Variants in SH2D4A observed in about 807,000 individuals in gnomAD.
SH2D4A encodes SH2 domain containing 4A.
SH2D4A carries 70 observed loss-of-function variants against 64.7 expected under a neutral mutation model. That is an observed-to-expected ratio of 1.08 (90% CI 0.89 to 1.32). SH2D4A has a LOEUF of 1.32. SH2D4A is among the 40% of genes most tolerant of loss of function. SH2D4A has a pLI of 0.00. For synonymous variants in SH2D4A, 268 were observed against 200.7 expected (o/e 1.34, Z -2.83); for missense variants, 706 against 540.1 (o/e 1.31, Z -3.04).
rs572069506 is a variant in SH2D4A, at chr8:19,389,225, C to T, written c.1049-4093C>T. Among the ~76,000 whole-genome samples, 19 of 152,300 alleles carry T rather than the reference C, an allele frequency of 1.2e-4. No homozygotes were observed. In the East Asian group the frequency reaches 3.7e-3, roughly 29 times the overall value. ...CTGCCACTTGGATTTCCAACCAGAG[C>T]CTGCTGGTGTTTGAGTTACTTCTGG... On this transcript the variant is annotated intron_variant, in intron 8 of 9. Transcript: ENST00000265807.
At chr8:19,354,369 A>G (rs2052756993) in intron 4 of SH2D4A, among the ~76,000 whole-genome samples, 1 of 152,140 alleles carries the variant, frequency 6.6e-6, no homozygotes, top group South Asian at 2.1e-4. Flanking sequence ...TAAAGACAAA[A>G]CCTAAAATTT....
At chr8:19,379,257 G>A (rs1198948739) in intron 8 of SH2D4A, among the ~76,000 whole-genome samples, 2 of 152,088 alleles carry the variant, frequency 1.3e-5, no homozygotes, top group African/African-American at 2.4e-5. Flanking sequence ...CATATAAGTA[G>A]AACTGTACAG....
chr8:19,388,577 C>A (rs184985528), intron 8 of SH2D4A, among the ~76,000 whole-genome samples: 55 of 152,270 alleles, frequency 3.6e-4, no homozygotes, highest in Admixed American at 9.2e-4. Context: ...GGAGGTGATA[C>A]AAACTTTATT....
At chr8:19,353,994 T>C (rs1346776015) in intron 4 of SH2D4A, among the ~76,000 whole-genome samples, 1 of 23,914 alleles carries the variant, frequency 4.2e-5, no homozygotes, top group Non-Finnish European at 1.0e-4. Flanking sequence ...TTCAACTAAT[T>C]TTTTTTTTTT....
chr8:19,364,015 C>A, intron 6 of SH2D4A, 57 bp from the exon 7 acceptor site: 2 of 1,560,750 alleles, frequency 1.3e-6, no homozygotes, highest in Non-Finnish European at 1.8e-6. Flanking sequence ...AATGCTGAGC[C>A]TTCTCACCTG....
intron 2 of SH2D4A, among the ~76,000 whole-genome samples, chr8:19,323,118 C>G (rs1447744937): frequency 6.6e-6 from 1 of 152,010 alleles, no homozygotes; most frequent in Non-Finnish European, 1.5e-5. Flanking sequence ...ACGTATGGAT[C>G]TACTCTGCTT....
At chr8:19,347,166 C>T (rs961171899) in intron 4 of SH2D4A, among the ~76,000 whole-genome samples, 4 of 152,164 alleles carry the variant, frequency 2.6e-5, no homozygotes, top group Admixed American at 6.5e-5. Flanking sequence ...TGGATCACAG[C>T]GAACACGCAG....
chr8:19,320,473 A>C (rs550278661), intron 2 of SH2D4A, among the ~76,000 whole-genome samples: 1 of 151,922 alleles, frequency 6.6e-6, no homozygotes, highest in Non-Finnish European at 1.5e-5. Context: ...AAAAATAAAA[A>C]ATTAGCTGGG....
Position 19,394,740 on chromosome 8 carries a change from C to G in SH2D4A, c.*98C>G, listed in dbSNP as rs1204371414. 2 of 810,112 alleles carry G rather than the reference C, an allele frequency of 2.5e-6. No individual in the cohort carries two copies. Among genetic ancestry groups the G allele is most frequent in the African/African-American group, 3.6e-5 (2 of 55,566 alleles). The allele number at this position is 810,112 out of a possible 1,614,324, so 50.2% of individuals were successfully genotyped here. A position where few individuals can be genotyped will look rare whatever the true frequency, so the allele number is the denominator to read the frequency against. On this transcript the variant is annotated 3_prime_UTR_variant, in exon 10 of 10. Transcript: ENST00000265807. ...GTGTGAAGCCAAAATCACCCTGCAG[C>G]AGAGCCAATACTGATCAACTGAAAG...
intron 8 of SH2D4A, 86 bp from the exon 9 acceptor site, chr8:19,393,232 C>A: frequency 8.1e-7 from 1 of 1,234,816 alleles, no homozygotes; most frequent in Non-Finnish European, 1.2e-6. Context: ...GCGTCATTGA[C>A]TCTATATCCA....
At chr8:19,382,834 T>TTTTTTTTTTTTTC (rs2053320114) in intron 8 of SH2D4A, among the ~76,000 whole-genome samples, 1 of 137,984 alleles carries the variant, frequency 7.2e-6, no homozygotes. Context: ...TTTTTTTTTT[T>TTTTTTTTTTTTTC]TTTTTTTTTT....
At chr8:19,371,104 G>T (rs1482680980) in intron 7 of SH2D4A, among the ~76,000 whole-genome samples, 1 of 151,738 alleles carries the variant, frequency 6.6e-6, no homozygotes, top group African/African-American at 2.4e-5. Context: ...TCATTTTTTA[G>T]TCTTCATATT....
At chr8:19,356,900 G>A (rs905986794) in intron 4 of SH2D4A, among the ~76,000 whole-genome samples, 3 of 152,358 alleles carry the variant, frequency 2.0e-5, no homozygotes, top group Admixed American at 2.0e-4. Flanking sequence ...GTTGATGGCT[G>A]GAAGTTATCC....
chr8:19,393,572 C>T (rs762466344), intron 9 of SH2D4A, 31 bp downstream of exon 9: 5 of 1,601,582 alleles, frequency 3.1e-6, no homozygotes, highest in Non-Finnish European at 4.3e-6. Flanking sequence ...AATTTGCCTT[C>T]TGAGTTACTG....
chr8:19,330,055 G>T (rs10113819), intron 2 of SH2D4A, among the ~76,000 whole-genome samples: 1 of 152,164 alleles, frequency 6.6e-6, no homozygotes, highest in African/African-American at 2.4e-5. Context: ...ACTTGCAGGG[G>T]AATGGGCACA....
intron 8 of SH2D4A, among the ~76,000 whole-genome samples, chr8:19,391,355 G>A (rs1016371490): frequency 2.6e-5 from 4 of 152,176 alleles, no homozygotes; most frequent in Non-Finnish European, 5.9e-5. Context: ...TGAACCAAGA[G>A]GCTTTCTGTG....
At position 19,314,210 on chromosome 8, in the gene SH2D4A, C is replaced by T. The variant is rs896716053; in HGVS notation, c.-205+387C>T. On this transcript the variant is annotated intron_variant, in intron 1 of 9. Transcript: ENST00000265807. The stretch of plus-strand genomic sequence containing the variant: ...GGCAGGGACACGCGGCGCGTGCTTC[C>T]ACCCGCGGGGAGTGCAGGCCCCGGG... 1.1e-5 allele frequency: 7 copies of T among 653,614 alleles called. No homozygotes were observed. In the African/African-American group the frequency reaches 1.4e-4, roughly 13 times the overall value. 40.5% of individuals were successfully genotyped at this position (653,614 alleles called of 1,614,324 possible). A position where few individuals can be genotyped will look rare whatever the true frequency, so the allele number is the denominator to read the frequency against.
chr8:19,353,258 G>C (rs1440063300), intron 4 of SH2D4A, among the ~76,000 whole-genome samples: 4 of 152,032 alleles, frequency 2.6e-5, no homozygotes, highest in Admixed American at 1.3e-4. Context: ...TCTTTGAAAA[G>C]CCTCTTCATC....
chr8:19,395,820 G>T lies in SH2D4A; in HGVS notation c.*1178G>T, dbSNP rs1174502456. On this transcript the variant is annotated 3_prime_UTR_variant, in exon 10 of 10. Coordinates refer to ENST00000265807, the MANE Select transcript of SH2D4A (RefSeq NM_022071.4). ...TGTTGTTTTAAGCTGCTTAGTTCAT[G>T]CTGAGTTCATGCTGACTTGTTACTA... is the stretch of plus-strand genomic sequence containing the variant. 1.3e-5 allele frequency: 2 copies of T among 152,142 alleles called. No homozygotes were observed. The highest frequency in any genetic ancestry group is 4.8e-5 in the African/African-American group (2 of 41,414). The allele number at this position is 152,142 out of a possible 1,614,324, so 9.4% of individuals were successfully genotyped here.
Sources: allele counts gnomAD v4.1 joint callset (sites outside exome capture counted in the v4.1 genomes callset), GRCh38; gene constraint gnomAD v4.1.1; transcripts MANE v1.5; gene names NCBI Gene and HGNC (gene_info 2026-07-23, HGNC 2026-07-21).